The following FBXO38 variants were observed in gnomAD, a reference collection of about 807,000 sequenced individuals.
The protein encoded by FBXO38 is F-box only protein 38.
A neutral mutation model predicts 131.9 loss-of-function variants in FBXO38; 53 were observed. The ratio of observed to expected loss-of-function variants is 0.40; its 90% confidence interval spans 0.32 to 0.51. The LOEUF (loss-of-function observed/expected upper bound fraction) is 0.51. Among genes scored for constraint, FBXO38 ranks in the 20% least tolerant of loss-of-function variants. The pLI is 0.53. For synonymous variants in FBXO38, 452 were observed against 505.6 expected (o/e 0.89, Z 1.42); for missense variants, 1,076 against 1,475.6 (o/e 0.73, Z 4.44).
intron 18 of FBXO38, 128 bp from the exon 19 acceptor site, chr5:148,439,519 T>C: frequency 1.1e-6 from 1 of 905,556 alleles, no homozygotes; most frequent in Non-Finnish European, 1.6e-6. Context: ...TGAATGTGAC[T>C]ATTTGATTTT....
chr5:148,393,185 A>AGGG (rs1197576360), intron 1 of FBXO38, among the ~76,000 whole-genome samples: 47 of 83,450 alleles, frequency 5.6e-4, no homozygotes, highest in African/African-American at 2.7e-3. Context: ...ACAACAGAAG[A>AGGG]GGGGTGTGTG....
chr5:148,402,287 A>C, intron 4 of FBXO38, 61 bp from the exon 5 acceptor site: 1 of 1,560,030 alleles, frequency 6.4e-7, no homozygotes, highest in East Asian at 2.3e-5. Context: ...CTTGTGGTAC[A>C]TAAAGCTTTG....
At chr5:148,402,904 CAG>C (rs140384684) in intron 5 of FBXO38, among the ~76,000 whole-genome samples, 4,342 of 150,898 alleles carry the variant, frequency 0.029, 196 homozygotes, top group African/African-American at 0.099. Flanking sequence ...CACACATACA[CAG>C]AGAGAGAGAG....
chr5:148,410,334 T>C (rs1166849313), intron 8 of FBXO38: 2 of 354,812 alleles, frequency 5.6e-6, no homozygotes, highest in Non-Finnish European at 1.0e-5. Context: ...CTAGATCCAA[T>C]GGTTTTAAAA....
intron 17 of FBXO38, chr5:148,435,129 C>T (rs1200955458): frequency 6.6e-6 from 1 of 152,108 alleles, no homozygotes; most frequent in African/African-American, 2.4e-5. Flanking sequence ...TTTTATTATT[C>T]AGAGATGCTA....
chr5:148,400,993 G>T (rs1581235683), intron 3 of FBXO38, among the ~76,000 whole-genome samples: 1 of 152,050 alleles, frequency 6.6e-6, no homozygotes, highest in Non-Finnish European at 1.5e-5. Flanking sequence ...AGTAATCTCT[G>T]GTCTCTCCTT....
chr5:148,409,273 T>G, intron 8 of FBXO38, 56 bp downstream of exon 8: 1 of 1,197,096 alleles, frequency 8.4e-7, no homozygotes, highest in Non-Finnish European at 1.2e-6. Flanking sequence ...TGTTTTTCCC[T>G]ATTTTACAAA....
intron 18 of FBXO38, among the ~76,000 whole-genome samples, chr5:148,439,083 A>G (rs1363356327): frequency 6.6e-6 from 1 of 152,208 alleles, no homozygotes; most frequent in Non-Finnish European, 1.5e-5. Flanking sequence ...GGGTGCAAAT[A>G]AAAACACAAC....
At chr5:148,424,501 T>C (rs912452264) in intron 13 of FBXO38, among the ~76,000 whole-genome samples, 1 of 152,212 alleles carries the variant, frequency 6.6e-6, no homozygotes, top group Non-Finnish European at 1.5e-5. Flanking sequence ...CCTGGTTTAG[T>C]AAACAAACCA....
At position 148,394,746 on chromosome 5, in the gene FBXO38, T is replaced by G; in HGVS notation, c.-31T>G. 6.7e-7 allele frequency: 1 copy of G among 1,481,942 alleles called. No individual in the cohort carries two copies. Among genetic ancestry groups the G allele is most frequent in the Non-Finnish European group, 9.0e-7 (1 of 1,114,692 alleles). 91.8% of individuals were successfully genotyped at this position (1,481,942 alleles called of 1,614,324 possible). Reference sequence around the variant, plus strand: ...GAACTCAAGTAAACAAAAGGGAAGATTTTCTCGTTGATACTGGAGACTGCA... The same window carrying G: ...GAACTCAAGTAAACAAAAGGGAAGAGTTTCTCGTTGATACTGGAGACTGCA... On this transcript the variant is annotated 5_prime_UTR_variant, in exon 2 of 22. Transcript: ENST00000340253.
chr5:148,417,281 CT>C (rs748945792), intron 12 of FBXO38, 77 bp downstream of exon 12: 615 of 1,036,892 alleles, frequency 5.9e-4, no homozygotes, highest in Non-Finnish European at 8.4e-4. Context: ...ATCCTGTTCC[CT>C]TTTTCCCCTG....
chr5:148,394,657 C>G, intron 1 of FBXO38, 57 bp from the exon 2 acceptor site: 1 of 782,140 alleles, frequency 1.3e-6, no homozygotes, highest in Non-Finnish European at 1.8e-6. Context: ...ATTGTTTAAC[C>G]TGGGTTTTAG....
intron 12 of FBXO38, among the ~76,000 whole-genome samples, chr5:148,422,371 T>C (rs577125778): frequency 2.0e-5 from 3 of 152,324 alleles, no homozygotes; most frequent in South Asian, 2.1e-4. Context: ...CATGTTTTCA[T>C]GGCTGGCTCC....
At chr5:148,421,528 G>T (rs551060118) in intron 12 of FBXO38, among the ~76,000 whole-genome samples, 1 of 152,176 alleles carries the variant, frequency 6.6e-6, no homozygotes, top group East Asian at 1.9e-4. Flanking sequence ...AAGAGGCAAT[G>T]AATTCTTTAT....
intron 2 of FBXO38, among the ~76,000 whole-genome samples, chr5:148,395,716 T>C (rs1353816464): frequency 6.6e-6 from 1 of 152,138 alleles, no homozygotes; most frequent in Non-Finnish European, 1.5e-5. Flanking sequence ...GAAGCATAAA[T>C]GCTTGGTAAA....
rs1754566210 is a variant in FBXO38 at position 148,439,773 on chromosome 5, A to G, written c.3151A>G (p.Thr1051Ala). ...GGTGCGCATTCGCAGCTGGATGGAC[A>G]CTATAGCAAACATCAATCAGTAAGT... ...NKVRIRSWMD[T>A]IANINQELIK... Residue 1051 changes from threonine (T) to alanine (A), a missense_variant, in exon 19 of 22, where the codon ACT (threonine) becomes GCT (alanine). By Grantham distance (58) the Thr-to-Ala change is moderately conservative. Around this residue, in one of 8 missense-constraint regions of FBXO38, gnomAD observed 282 missense variants for 418.8 expected, o/e 0.67. Transcript: ENST00000340253. 11 of 1,613,926 alleles carry G rather than the reference A, an allele frequency of 6.8e-6. No homozygotes were observed. The highest frequency in any genetic ancestry group is 1.7e-6 in the Non-Finnish European group (2 of 1,179,900).
intron 1 of FBXO38, among the ~76,000 whole-genome samples, chr5:148,390,921 T>C (rs1246169780): frequency 6.6e-6 from 1 of 152,178 alleles, no homozygotes; most frequent in Non-Finnish European, 1.5e-5. Context: ...AAAAAAGCTT[T>C]TTATTAAAGG....
chr5:148,419,248 G>A (rs1029689705), intron 12 of FBXO38, among the ~76,000 whole-genome samples: 3 of 152,234 alleles, frequency 2.0e-5, no homozygotes, highest in African/African-American at 7.2e-5. Flanking sequence ...GGCTGCATTT[G>A]TAGAGAAATG....
intron 1 of FBXO38, among the ~76,000 whole-genome samples, chr5:148,393,893 A>G (rs1042844989): frequency 6.6e-6 from 1 of 152,142 alleles, no homozygotes; most frequent in African/African-American, 2.4e-5. Context: ...TTAACTCCAC[A>G]TGCTGATCAA....
Sources: gnomAD v4.1 joint callset for allele counts (sites outside exome capture counted in the v4.1 genomes callset) on GRCh38, gnomAD v4.1.1 for gene constraint, gnomAD v4.1.1 regional missense constraint, MANE v1.5 for transcripts, NCBI Gene and HGNC (gene_info 2026-07-23, HGNC 2026-07-21) for gene names.